TRAK2: variants seen among roughly 807,000 people sequenced by gnomAD.
TRAK2 encodes the protein trafficking kinesin-binding protein 2.
Under a neutral mutation model 104.6 loss-of-function variants are expected in TRAK2, and 81 were observed. The ratio of observed to expected loss-of-function variants is 0.77; its 90% confidence interval spans 0.65 to 0.93. The LOEUF (loss-of-function observed/expected upper bound fraction) is 0.93, where lower values mean the gene tolerates loss of function less well. Ranked by LOEUF, TRAK2 falls within the 40% of genes least tolerant of loss-of-function variation. TRAK2 has a pLI of 0.00. For missense variants in TRAK2, 1,002 were observed against 1,089.0 expected (o/e 0.92, Z 1.12); for synonymous variants, 406 against 394.4 (o/e 1.03, Z -0.35).
At chr2:201,431,213 A>C (rs1211677855) in intron 1 of TRAK2, among the ~76,000 whole-genome samples, 1 of 152,260 alleles carries the variant, frequency 6.6e-6, no homozygotes, top group African/African-American at 2.4e-5. Context: ...ATAACAAAAA[A>C]GTCTTAACTA....
intron 9 of TRAK2, 40 bp downstream of exon 9, chr2:201,394,758 C>G (rs758629068): frequency 1.3e-6 from 2 of 1,514,962 alleles, no homozygotes; most frequent in East Asian, 4.5e-5. Flanking sequence ...ACTAGTCACT[C>G]TTTCCCCTCC....
chr2:201,396,601 T>C (rs999111001), intron 7 of TRAK2, among the ~76,000 whole-genome samples: 4 of 152,120 alleles, frequency 2.6e-5, no homozygotes, highest in Non-Finnish European at 4.4e-5. Flanking sequence ...TAATAACTAA[T>C]AATAAAATAA....
chr2:201,444,397 A>G (rs1012432054), intron 1 of TRAK2, among the ~76,000 whole-genome samples: 3 of 151,138 alleles, frequency 2.0e-5, no homozygotes, highest in Non-Finnish European at 4.4e-5. Context: ...AGAGACACAG[A>G]CCTTTTGTTA....
intron 1 of TRAK2, among the ~76,000 whole-genome samples, chr2:201,437,296 C>T (rs748160329): frequency 2.0e-5 from 3 of 152,128 alleles, no homozygotes; most frequent in Non-Finnish European, 4.4e-5. Flanking sequence ...TGGCTATTCT[C>T]CCCAGTTCTT....
chr2:201,400,030 T>G (rs924238610), intron 4 of TRAK2, among the ~76,000 whole-genome samples: 4 of 152,090 alleles, frequency 2.6e-5, no homozygotes, highest in Admixed American at 6.6e-5. Context: ...TGTTGTCAAC[T>G]GGTTCAAGAA....
At chr2:201,444,870 C>G (rs1367917633) in intron 1 of TRAK2, among the ~76,000 whole-genome samples, 1 of 152,004 alleles carries the variant, frequency 6.6e-6, no homozygotes, top group African/African-American at 2.4e-5. Flanking sequence ...ATTAGCTAAA[C>G]TGGTGGGGGA....
At chr2:201,436,651 TC>T (rs1048750882) in intron 1 of TRAK2, among the ~76,000 whole-genome samples, 11 of 152,182 alleles carry the variant, frequency 7.2e-5, no homozygotes, top group Non-Finnish European at 1.5e-4. Context: ...TTTCTCTTTG[TC>T]CTCTCTAACA....
intron 2 of TRAK2, among the ~76,000 whole-genome samples, chr2:201,413,690 T>C (rs938792746): frequency 1.3e-5 from 2 of 151,656 alleles, no homozygotes; most frequent in Non-Finnish European, 2.9e-5. Flanking sequence ...TAAAGATGGG[T>C]AACTTGCCGA....
At chr2:201,410,755 T>C in intron 2 of TRAK2, 1 of 1,576,080 alleles carries the variant, frequency 6.3e-7, no homozygotes, top group Non-Finnish European at 8.7e-7. Flanking sequence ...CTGATTTGGT[T>C]TCTGTTGTGA....
At chr2:201,390,833 A>G (rs1348570207) in intron 10 of TRAK2, among the ~76,000 whole-genome samples, 1 of 150,830 alleles carries the variant, frequency 6.6e-6, no homozygotes, top group African/African-American at 2.4e-5. Flanking sequence ...TTAAAAAAAA[A>G]GCAAGCTTCC....
At chr2:201,443,267 G>C (rs994278988) in intron 1 of TRAK2, among the ~76,000 whole-genome samples, 1 of 152,096 alleles carries the variant, frequency 6.6e-6, no homozygotes, top group Admixed American at 6.5e-5. Context: ...AACAGTCCCT[G>C]CTAATCAATC....
intron 2 of TRAK2, among the ~76,000 whole-genome samples, chr2:201,418,589 A>C (rs1019649605): frequency 1.3e-5 from 2 of 152,240 alleles, no homozygotes; most frequent in Non-Finnish European, 2.9e-5. Context: ...TAGGGATTAA[A>C]GGAACAGGAT....
intron 1 of TRAK2, among the ~76,000 whole-genome samples, chr2:201,439,771 C>T (rs1951905028): frequency 6.6e-6 from 1 of 150,930 alleles, no homozygotes; most frequent in Non-Finnish European, 1.5e-5. Context: ...ATGATGAGTT[C>T]ATGTCCTTTG....
intron 1 of TRAK2, among the ~76,000 whole-genome samples, chr2:201,427,121 A>T (rs1379203033): frequency 6.6e-6 from 1 of 151,802 alleles, no homozygotes; most frequent in Non-Finnish European, 1.5e-5. Context: ...TCAAATGCGC[A>T]CTCCTGTCGG....
chr2:201,413,436 A>T, intron 2 of TRAK2: 36 of 359,978 alleles, frequency 1.0e-4, no homozygotes, highest in Non-Finnish European at 1.2e-4. Context: ...TGGCAGCTGG[A>T]GGAGGGAAAG....
rs570004075 is a variant in TRAK2 at position 201,438,021 on chromosome 2, G to A, written c.-200+13329C>T. On this transcript the variant is annotated intron_variant, in intron 1 of 15. Coordinates refer to ENST00000332624, the MANE Select transcript of TRAK2 (RefSeq NM_015049.3). ...TTATTCTTTAATGTATTTGATTAGT[G>A]TATCATTTTCTCAGGGCCTTATCAA... Among the ~76,000 whole-genome samples, 6 of 152,284 alleles carry A rather than the reference G, an allele frequency of 3.9e-5. No homozygotes were observed. The South Asian group carries it at 1.2e-3, about 32-fold the overall frequency.
Position 201,397,100 on chromosome 2 carries a change from C to A in TRAK2, c.769+402G>T, listed in dbSNP as rs114474552. Reference sequence around the variant, plus strand: ...CATTCCTTTAAAGAAACATAACTGGCACTTTATACTCATTGATTGTTAGGT... The same window carrying A: ...CATTCCTTTAAAGAAACATAACTGGAACTTTATACTCATTGATTGTTAGGT... On this transcript the variant is annotated intron_variant, in intron 7 of 15. Transcript: ENST00000332624. Among the ~76,000 whole-genome samples the A allele has an allele frequency of 3.5e-3, 534 of 152,232 alleles. 4 individuals are homozygous for A. The highest frequency in any genetic ancestry group is 0.012 in the African/African-American group (509 of 41,544).
At chr2:201,413,106 T>C in intron 2 of TRAK2, 6 of 1,046,376 alleles carry the variant, frequency 5.7e-6, no homozygotes, top group South Asian at 4.1e-5. Context: ...TTGTCAATCA[T>C]TTTTTATCAA....
At chr2:201,443,678 C>T (rs1403419812) in intron 1 of TRAK2, among the ~76,000 whole-genome samples, 1 of 152,044 alleles carries the variant, frequency 6.6e-6, no homozygotes, top group Non-Finnish European at 1.5e-5. Flanking sequence ...CCTGTCACAT[C>T]CAATCCATTA....
Sources: allele counts gnomAD v4.1 joint callset (sites outside exome capture counted in the v4.1 genomes callset), GRCh38; gene constraint gnomAD v4.1.1; transcripts MANE v1.5; gene names NCBI Gene and HGNC (gene_info 2026-07-23, HGNC 2026-07-21).